ERI1: variants seen among roughly 807,000 people sequenced by gnomAD.
ERI1 encodes the protein exoribonuclease 1.
ERI1 carries 39 observed loss-of-function variants against 39.7 expected under a neutral mutation model. The observed-to-expected ratio is 0.98, with a 90% CI of 0.76 to 1.28. ERI1 has a LOEUF of 1.28. Ranked by LOEUF, ERI1 falls within the 50% of genes most tolerant of loss-of-function variation. The probability of loss-of-function intolerance (pLI) is 0.00; values close to 1 mark genes in which losing one functional copy is unlikely to be tolerated. For missense variants in ERI1, 581 were observed against 416.9 expected (o/e 1.39, Z -3.43); for synonymous variants, 204 against 149.6 (o/e 1.36, Z -2.65).
chr8:9,021,813 C>G (rs1349163018), intron 6 of ERI1, among the ~76,000 whole-genome samples: 2 of 144,236 alleles, frequency 1.4e-5, no homozygotes, highest in African/African-American at 5.2e-5. Context: ...GAGATCCATC[C>G]ACGTCTTGTA....
At chr8:9,004,412 C>A in intron 1 of ERI1, 1 of 468,008 alleles carries the variant, frequency 2.1e-6, no homozygotes, top group Non-Finnish European at 3.0e-6. Context: ...AGGCCTAGGT[C>A]TCTGTTCCAA....
At chr8:9,003,959 A>G (rs575790195) in intron 1 of ERI1, 2 of 600,324 alleles carry the variant, frequency 3.3e-6, no homozygotes, top group East Asian at 1.3e-4. Context: ...CTTTTCAATA[A>G]CATGAATTTG....
At position 9,024,799 on chromosome 8, in the gene ERI1, C is replaced by A. The variant is rs566188470; in HGVS notation, c.807+4335C>A. On this transcript the variant is annotated intron_variant, in intron 6 of 6. Coordinates refer to ENST00000250263, the MANE Select transcript of ERI1 (RefSeq NM_153332.4). Reference sequence around the variant, plus strand: ...AAGTAAAAGGAAAGGATGAAATACACCTCTTGACTGTAAAATGTGTTTTCT... The same window carrying A: ...AAGTAAAAGGAAAGGATGAAATACAACTCTTGACTGTAAAATGTGTTTTCT... Among the ~76,000 whole-genome samples, 4 of 152,240 alleles carry A rather than the reference C, an allele frequency of 2.6e-5. No individual in the cohort carries two copies. The South Asian group carries it at 8.3e-4, about 32-fold the overall frequency.
rs928344710 is a variant in ERI1 at position 9,031,411 on chromosome 8, A to G, written c.*1377A>G. 3.3e-5 allele frequency: 5 copies of G among 152,250 alleles called. No homozygotes were observed. Among genetic ancestry groups the G allele is most frequent in the African/African-American group, 1.2e-4 (5 of 41,468 alleles). 9.4% of individuals were successfully genotyped at this position (152,250 alleles called of 1,614,324 possible). A position where few individuals can be genotyped will look rare whatever the true frequency, so the allele number is the denominator to read the frequency against. ...GAATAATGTGTAAATAACAGAAGGCATATGAGAGTGTGGTGTTCCTAGATG... is the reference window on the plus strand; with the variant it reads ...GAATAATGTGTAAATAACAGAAGGCGTATGAGAGTGTGGTGTTCCTAGATG... On this transcript the variant is annotated 3_prime_UTR_variant, in exon 7 of 7. Coordinates refer to ENST00000250263, the MANE Select transcript of ERI1 (RefSeq NM_153332.4).
intron 3 of ERI1, among the ~76,000 whole-genome samples, chr8:9,012,579 A>G (rs1420374732): frequency 1.3e-5 from 2 of 152,242 alleles, no homozygotes; most frequent in African/African-American, 4.8e-5. Flanking sequence ...TATCCAAAGC[A>G]GATTGAAGGT....
chr8:9,027,037 C>G (rs1312844556), intron 6 of ERI1, among the ~76,000 whole-genome samples: 2 of 152,080 alleles, frequency 1.3e-5, no homozygotes, highest in African/African-American at 4.8e-5. Context: ...TGAGGAATCT[C>G]CACATTGTTT....
At chr8:9,041,964 C>A (rs898595932) in intron 3 of ERI1, among the ~76,000 whole-genome samples, 2 of 152,180 alleles carry the variant, frequency 1.3e-5, no homozygotes, top group African/African-American at 4.8e-5. Context: ...GAACTCCTGA[C>A]CTTGGGTGAT....
chr8:9,005,909 C>T (rs889373123), intron 1 of ERI1, among the ~76,000 whole-genome samples: 2 of 152,160 alleles, frequency 1.3e-5, no homozygotes, highest in Non-Finnish European at 2.9e-5. Context: ...ATAATATAAA[C>T]CATACATCCA....
intron 3 of ERI1, among the ~76,000 whole-genome samples, chr8:9,099,546 G>T (rs1781181280): frequency 6.7e-6 from 1 of 149,728 alleles, no homozygotes. Context: ...AGTGAGCTGT[G>T]ACGGTATCAT....
chr8:9,089,253 CTTTAA>C (rs1010617586), intron 3 of ERI1, among the ~76,000 whole-genome samples: 10 of 152,138 alleles, frequency 6.6e-5, no homozygotes, highest in Non-Finnish European at 1.5e-4. Flanking sequence ...TTCTCACCTT[CTTTAA>C]TTTATTTAAT....
rs917829933 is a variant in ERI1, at chr8:9,033,310, A to G, written c.*3276A>G. The G allele has an allele frequency of 2.6e-5, 4 of 152,188 alleles. No individual in the cohort carries two copies. The highest frequency in any genetic ancestry group is 9.6e-5 in the African/African-American group (4 of 41,456). The allele number at this position is 152,188 out of a possible 1,614,324, so 9.4% of individuals were successfully genotyped here. On this transcript the variant is annotated 3_prime_UTR_variant, in exon 7 of 7. Transcript: ENST00000250263. The stretch of plus-strand genomic sequence containing the variant: ...TATAATACGAAAATTACGAAATTTT[A>G]GTTTCTCTAAATAAAGTTTTGGAAA...
intron 3 of ERI1, among the ~76,000 whole-genome samples, chr8:9,015,922 G>T (rs1428563819): frequency 6.6e-6 from 1 of 152,058 alleles, no homozygotes; most frequent in Non-Finnish European, 1.5e-5. Flanking sequence ...ATAGTTTAAA[G>T]CTAATTTATT....
intron 3 of ERI1, among the ~76,000 whole-genome samples, chr8:9,068,429 TG>T (rs1270934888): frequency 2.6e-5 from 4 of 152,180 alleles, no homozygotes; most frequent in Non-Finnish European, 2.9e-5. Context: ...CCAGAACCTC[TG>T]GGCTCAAGTG....
At chr8:9,021,733 A>T (rs1184955534) in intron 6 of ERI1, among the ~76,000 whole-genome samples, 1 of 144,366 alleles carries the variant, frequency 6.9e-6, no homozygotes, top group African/African-American at 2.6e-5. Context: ...TTTGAGCACG[A>T]TATAATTAGT....
chr8:9,022,518 G>C (rs1200120731), intron 6 of ERI1, among the ~76,000 whole-genome samples: 1 of 152,074 alleles, frequency 6.6e-6, no homozygotes, highest in Non-Finnish European at 1.5e-5. Flanking sequence ...TCCTGTCTCA[G>C]CATCCCGAGT....
Position 9,014,257 on chromosome 8 carries a change from G to A in ERI1, c.499-2065G>A, listed in dbSNP as rs28448531. On this transcript the variant is annotated intron_variant, in intron 3 of 6. Transcript: ENST00000250263. ...ATTACTTGCCAGGACTTTAGCTCCA[G>A]TTTTCTTAGCCAGAAGTCTTGCTGG... 7.9e-3 allele frequency among the ~76,000 whole-genome samples: 1,209 copies of A among 152,296 alleles called. 16 individuals carry two copies. The highest frequency in any genetic ancestry group is 0.028 in the African/African-American group (1,162 of 41,566).
chr8:9,086,922 T>G (rs931848034), intron 3 of ERI1, among the ~76,000 whole-genome samples: 1 of 152,216 alleles, frequency 6.6e-6, no homozygotes, highest in Non-Finnish European at 1.5e-5. Flanking sequence ...AATCTATAAG[T>G]GTACACAGGA....
intron 3 of ERI1, 68 bp downstream of exon 3, chr8:9,011,820 G>T (rs777944976): frequency 1.1e-5 from 13 of 1,204,712 alleles, no homozygotes; most frequent in Non-Finnish European, 1.5e-5. Context: ...TGGTTATGTG[G>T]AGGACCTCAT....
chr8:9,027,398 C>A (rs992397377), intron 6 of ERI1, among the ~76,000 whole-genome samples: 1 of 152,080 alleles, frequency 6.6e-6, no homozygotes. Flanking sequence ...AATTCATTAT[C>A]AGATATATAC....
Sources: allele counts gnomAD v4.1 joint callset (sites outside exome capture counted in the v4.1 genomes callset), GRCh38; gene constraint gnomAD v4.1.1; transcripts MANE v1.5; gene names NCBI Gene and HGNC (gene_info 2026-07-23, HGNC 2026-07-21).